The following ATP7B variants were observed in gnomAD, a reference collection of about 807,000 sequenced individuals.
ATP7B encodes the protein ATPase copper transporting beta.
ATP7B carries 113 observed loss-of-function variants against 118.9 expected under a neutral mutation model. The ratio of observed to expected loss-of-function variants is 0.95; its 90% CI spans 0.82 to 1.11. The LOEUF is 1.11. ATP7B is among the 50% of genes most tolerant of loss of function. ATP7B has a pLI of 0.00. For synonymous variants in ATP7B, 777 were observed against 727.4 expected, an observed-to-expected ratio of 1.07 and a Z score of -1.10; for missense variants, 1,867 against 1,871.4, an observed-to-expected ratio of 1.00 and a Z score of 0.04.
intron 1 of ATP7B, among the ~76,000 whole-genome samples, chr13:52,000,153 A>G (rs1413939116): frequency 1.3e-5 from 2 of 152,170 alleles, no homozygotes; most frequent in Non-Finnish European, 2.9e-5. Context: ...TACCTTTCTT[A>G]GCTCACTCAG....
At chr13:51,972,217 C>T (rs1223381114) in intron 2 of ATP7B, among the ~76,000 whole-genome samples, 1 of 152,202 alleles carries the variant, frequency 6.6e-6, no homozygotes, top group East Asian at 1.9e-4. Flanking sequence ...AAGCTGGGCT[C>T]CCACCTTCCC....
intron 17 of ATP7B, 40 bp from the exon 18 acceptor site, chr13:51,937,719 G>A (rs373180382): frequency 1.2e-6 from 2 of 1,605,126 alleles, no homozygotes; most frequent in Non-Finnish European, 1.7e-6. Context: ...TTGGCAAAAG[G>A]TATCAGATAG....
In ATP7B at chr13:51,983,262, G is replaced by A. The variant is rs540782011; in HGVS notation, c.52-8094C>T. ...ATCCACCATTACTGAGGCTTGAGCA[G>A]GTGGTTTTCCCCTCATAGTGTAAAC... On this transcript the variant is annotated intron_variant, in intron 1 of 20. Transcript: ENST00000242839. Among the ~76,000 whole-genome samples, 7 of 152,348 alleles carry A rather than the reference G, an allele frequency of 4.6e-5. No individual in the cohort carries two copies. In the East Asian group the frequency reaches 1.2e-3, roughly 25 times the overall value.
chr13:51,977,261 GTAA>G (rs1243730698), intron 1 of ATP7B, among the ~76,000 whole-genome samples: 2 of 141,300 alleles, frequency 1.4e-5, no homozygotes, highest in Non-Finnish European at 3.1e-5. Context: ...CGACTCTTTT[GTAA>G]TAACACTTAG....
In ATP7B at chr13:51,960,242, T is replaced by C. The variant is rs774867425; in HGVS notation, c.2027A>G (p.Asn676Ser). Residue 676 changes from asparagine (N) to serine (S), a missense_variant, in exon 7 of 21, where the codon AAC becomes AGC. By Grantham distance (46) the Asn-to-Ser change is conservative (BLOSUM62 1). Coordinates refer to ENST00000242839, the MANE Select transcript of ATP7B (RefSeq NM_000053.4). ...ALMIYMLIPS[N>S]EPHQSMVLDH... Reference sequence around the variant, plus strand: ...CAGGACCATGGACTGGTGGGGCTCGTTGCTGGGTATCAGCATATAGATCAT... The same window carrying C: ...CAGGACCATGGACTGGTGGGGCTCGCTGCTGGGTATCAGCATATAGATCAT... The C allele has an allele frequency of 1.2e-6, 2 of 1,613,954 alleles. No homozygotes were observed. Among genetic ancestry groups the C allele is most frequent in the Non-Finnish European group, 1.7e-6 (2 of 1,179,844 alleles).
In ATP7B at chr13:51,974,440, T is replaced by G; in HGVS notation, c.780A>C (p.Gln260His). 6.2e-7 allele frequency: 1 copy of G among 1,614,046 alleles called. No homozygotes were observed. The highest frequency in any genetic ancestry group is 8.5e-7 in the Non-Finnish European group (1 of 1,180,010). Residue 260 changes from glutamine to histidine, a missense_variant, in exon 2 of 21, where the codon CAA becomes CAC. Coordinates refer to ENST00000242839, the MANE Select transcript of ATP7B (RefSeq NM_000053.4). ...TACAATGCATTCCATCTATTCTCAG[T>G]TGGAGGGTGACCACATGGCTTCCTT... ...GHQGSHVVTL[Q>H]LRIDGMHCKS...
chr13:51,950,050 A>C lies in ATP7B; in HGVS notation c.2687T>G (p.Leu896Trp). ...KATHVGNDTT[L>W]AQIVKLVEEA... is the part of the protein sequence containing the mutation. ...TTCCACCAGTTTCACAATCTGAGCC[A>C]AAGTGGTGTCATTGCCCACGTGGGT... Residue 896 changes from leucine (L) to tryptophan (W), a missense_variant, in exon 11 of 21, where the codon TTG (leucine) becomes TGG (tryptophan). Transcript: ENST00000242839. 6.2e-7 allele frequency: 1 copy of C among 1,614,238 alleles called. No homozygotes were observed. The highest frequency in any genetic ancestry group is 2.2e-5 in the East Asian group (1 of 44,892).
intron 2 of ATP7B, 75 bp downstream of exon 2, chr13:51,973,860 A>G: frequency 1.2e-6 from 2 of 1,603,638 alleles, no homozygotes; most frequent in Non-Finnish European, 1.7e-6. Context: ...GCTCACCTAT[A>G]CCACCATCCA....
intron 1 of ATP7B, among the ~76,000 whole-genome samples, chr13:52,002,728 T>C (rs917684936): frequency 2.6e-5 from 4 of 151,362 alleles, no homozygotes; most frequent in African/African-American, 9.7e-5. Flanking sequence ...GGTTTGGTTC[T>C]AGATCATCAC....
intron 1 of ATP7B, among the ~76,000 whole-genome samples, chr13:51,999,427 T>G (rs1386155259): frequency 6.6e-6 from 1 of 152,078 alleles, no homozygotes; most frequent in Non-Finnish European, 1.5e-5. Context: ...AACACACACA[T>G]ACCTAAGTAA....
chr13:51,939,739 G>A (rs987766515), intron 16 of ATP7B, among the ~76,000 whole-genome samples: 4 of 152,114 alleles, frequency 2.6e-5, no homozygotes, highest in East Asian at 1.9e-4. Context: ...GAGAGGGCAC[G>A]ACTCCTTTAG....
At position 51,994,346 on chromosome 13, in the gene ATP7B, A is replaced by C. The variant is rs147828579; in HGVS notation, c.51+16941T>G. ...CACCTCACTTCCCTCCCCTAAAACC[A>C]CTCGAACCTCTGTGTAGAAGCTACC... On this transcript the variant is annotated intron_variant, in intron 1 of 20. Transcript: ENST00000242839. 2.0e-5 allele frequency among the ~76,000 whole-genome samples: 3 copies of C among 152,152 alleles called. No individual in the cohort carries two copies. The East Asian group carries it at 5.8e-4, about 29-fold the overall frequency.
rs1958435416 is a variant in ATP7B at position 51,957,562 on chromosome 13, T to G, written c.2401A>C (p.Thr801Pro). Reference sequence around the variant, plus strand: ...CCAAGGGTCACAACGGTGGCTTCTGTGGCTTGGAGAGACATGAGTTTAGCC... The same window carrying G: ...CCAAGGGTCACAACGGTGGCTTCTGGGGCTTGGAGAGACATGAGTTTAGCC... ...ALAKLMSLQA[T>P]EATVVTLGED... Residue 801 changes from threonine to proline, a missense_variant, in exon 9 of 21, where the codon ACA becomes CCA. Thr to Pro is a conservative substitution (Grantham distance 38). Transcript: ENST00000242839. 4 of 1,614,222 alleles carry G rather than the reference T, an allele frequency of 2.5e-6. No individual in the cohort carries two copies. In the East Asian group the frequency reaches 8.9e-5, roughly 36 times the overall value.
chr13:51,952,832 T>C (rs1188412253), intron 9 of ATP7B, among the ~76,000 whole-genome samples: 1 of 152,228 alleles, frequency 6.6e-6, no homozygotes, highest in Admixed American at 6.5e-5. Flanking sequence ...AAGTGCCCAA[T>C]GAATGCTGGT....
chr13:51,948,650 C>A (rs1030104257), intron 12 of ATP7B, among the ~76,000 whole-genome samples: 2 of 152,132 alleles, frequency 1.3e-5, no homozygotes, highest in African/African-American at 2.4e-5. Flanking sequence ...AGCATCCCCC[C>A]AGTCACAAAC....
chr13:51,991,354 C>T lies in ATP7B; in HGVS notation c.52-16186G>A, dbSNP rs534196940. Among the ~76,000 whole-genome samples the T allele has an allele frequency of 2.6e-5, 4 of 152,256 alleles. No homozygotes were observed. In the South Asian group the frequency reaches 8.3e-4, roughly 32 times the overall value. On this transcript the variant is annotated intron_variant, in intron 1 of 20. Coordinates refer to ENST00000242839, the MANE Select transcript of ATP7B (RefSeq NM_000053.4). Reference sequence around the variant, plus strand: ...AATTAAAACAGCAGCCAGTGTGCACCTGTAGTCCCAGCTACTCAGGAGGCT... The same window carrying T: ...AATTAAAACAGCAGCCAGTGTGCACTTGTAGTCCCAGCTACTCAGGAGGCT...
chr13:51,949,381 A>C (rs143031997), intron 12 of ATP7B, among the ~76,000 whole-genome samples: 13 of 152,316 alleles, frequency 8.5e-5, no homozygotes, highest in Non-Finnish European at 1.5e-4. Flanking sequence ...AAGGACCAAT[A>C]ATACATATTG....
In ATP7B at chr13:51,942,663, G is replaced by A. The variant is rs149218548; in HGVS notation, c.3244-109C>T. 1,078 of 1,359,928 alleles carry A rather than the reference G, an allele frequency of 7.9e-4. 4 individuals are homozygous for A. The African/African-American group carries it at 0.013, about 16-fold the overall frequency. The allele number at this position is 1,359,928 out of a possible 1,614,324, so 84.2% of individuals were successfully genotyped here. ...AGGGTGAAGGTGGCAAGAGAGCAGCGGAAAGCGGGAACTGAGAGAAAGGAG... is the reference window on the plus strand; with the variant it reads ...AGGGTGAAGGTGGCAAGAGAGCAGCAGAAAGCGGGAACTGAGAGAAAGGAG... On this transcript the variant is annotated intron_variant, in intron 14 of 20. Transcript: ENST00000242839.
intron 1 of ATP7B, among the ~76,000 whole-genome samples, chr13:51,983,263 G>A (rs1952507093): frequency 6.6e-6 from 1 of 152,216 alleles, no homozygotes; most frequent in African/African-American, 2.4e-5. Flanking sequence ...GCTTGAGCAG[G>A]TGGTTTTCCC....
Sources: gnomAD v4.1 joint callset for allele counts (sites outside exome capture counted in the v4.1 genomes callset) on GRCh38, gnomAD v4.1.1 for gene constraint, MANE v1.5 for transcripts, NCBI Gene and HGNC (gene_info 2026-07-23, HGNC 2026-07-21) for gene names.